Variants in NSD1 observed in about 807,000 individuals in gnomAD.
The protein encoded by NSD1 is histone-lysine N-methyltransferase, H3 lysine-36 specific.
Under a neutral mutation model 242.7 loss-of-function variants are expected in NSD1, and 26 were observed. The ratio of observed to expected loss-of-function variants is 0.11; its 90% CI spans 0.08 to 0.15. The LOEUF is 0.15. Ranked by LOEUF, NSD1 falls within the 10% of genes least tolerant of loss-of-function variation. The pLI, the probability that NSD1 is intolerant of heterozygous loss-of-function variation, is 1.00. For synonymous variants in NSD1, 1,106 were observed against 1,178.1 expected, an observed-to-expected ratio of 0.94 and a Z score of 1.25; for missense variants, 2,495 against 3,272.8, an observed-to-expected ratio of 0.76 and a Z score of 5.80.
chr5:177,259,762 C>G (rs1756835777), intron 13 of NSD1, among the ~76,000 whole-genome samples: 1 of 152,176 alleles, frequency 6.6e-6, no homozygotes, highest in Non-Finnish European at 1.5e-5. Flanking sequence ...CTTGTTGAAG[C>G]AGGCTCACTG....
At chr5:177,257,228 C>CAT in intron 13 of NSD1, 77 bp downstream of exon 13, 1 of 738,908 alleles carries the variant, frequency 1.4e-6, no homozygotes, top group Non-Finnish European at 2.1e-6. Flanking sequence ...TTTTTTCTTT[C>CAT]TTTTTTTTTT....
chr5:177,164,149 CTT>C (rs56076836), intron 2 of NSD1, among the ~76,000 whole-genome samples: 17 of 138,388 alleles, frequency 1.2e-4, no homozygotes, highest in African/African-American at 3.8e-4. Context: ...AAAATGTAAC[CTT>C]TTTTTTTTTT....
At chr5:177,219,097 A>C (rs536189771) in intron 5 of NSD1, among the ~76,000 whole-genome samples, 27 of 151,782 alleles carry the variant, frequency 1.8e-4, no homozygotes, top group African/African-American at 6.0e-4. Context: ...GTGTAAATTT[A>C]GGTTGTTGAG....
Position 177,135,098 on chromosome 5 carries a change from C to T in NSD1, c.-6C>T. ...CTTTTGGATTCCAGGTTGATGCCGG[C>T]CCAGGATGGATCAGACCTGTGAACT... On this transcript the variant is annotated 5_prime_UTR_variant, in exon 2 of 23. Transcript: ENST00000439151. 10 of 1,614,082 alleles carry T rather than the reference C, an allele frequency of 6.2e-6. No homozygotes were observed. Among genetic ancestry groups the T allele is most frequent in the Non-Finnish European group, 8.5e-6 (10 of 1,179,956 alleles).
At chr5:177,290,831 T>A (rs549571930) in intron 21 of NSD1, among the ~76,000 whole-genome samples, 1 of 152,364 alleles carries the variant, frequency 6.6e-6, no homozygotes, top group African/African-American at 2.4e-5. Context: ...TGTTGTTCCT[T>A]AAGATGTTGA....
intron 2 of NSD1, among the ~76,000 whole-genome samples, chr5:177,177,537 CA>C (rs1427123866): frequency 6.6e-6 from 1 of 151,778 alleles, no homozygotes; most frequent in Admixed American, 6.6e-5. Context: ...CAAAACAAAA[CA>C]AAAAAACAGC....
intron 19 of NSD1, among the ~76,000 whole-genome samples, chr5:177,282,801 A>G (rs1175787148): frequency 2.6e-5 from 4 of 152,224 alleles, no homozygotes; most frequent in African/African-American, 9.6e-5. Flanking sequence ...TTTTTGAACA[A>G]TTCAATGAAA....
intron 17 of NSD1, among the ~76,000 whole-genome samples, chr5:177,274,365 TAAAG>T (rs1323093520): frequency 2.0e-5 from 3 of 152,196 alleles, no homozygotes; most frequent in African/African-American, 4.8e-5. Context: ...GACATAAAAA[TAAAG>T]AGACAGTGGA....
Position 177,191,803 on chromosome 5 carries a change from T to C in NSD1, c.928-81T>C, listed in dbSNP as rs1045449198. On this transcript the variant is annotated intron_variant, in intron 2 of 22. Coordinates refer to ENST00000439151, the MANE Select transcript of NSD1 (RefSeq NM_022455.5). The stretch of plus-strand genomic sequence containing the variant: ...TTCTCAATTTTTCATACATTGCTTT[T>C]TCAGAAGGCTAATAGGAATGACAAT... The C allele has an allele frequency of 1.7e-5, 25 of 1,481,810 alleles. No individual in the cohort carries two copies. In the African/African-American group the frequency reaches 3.0e-4, roughly 18 times the overall value. 91.8% of individuals were successfully genotyped at this position (1,481,810 alleles called of 1,614,324 possible).
intron 21 of NSD1, among the ~76,000 whole-genome samples, chr5:177,290,013 G>GA (rs1350191056): frequency 4.0e-5 from 6 of 151,496 alleles, no homozygotes; most frequent in African/African-American, 7.3e-5. Context: ...ATTTTTAGTA[G>GA]AAACAGGGTT....
rs369492574 is a variant in NSD1, at chr5:177,135,372, C to G, written c.269C>G (p.Ser90Cys). Reference sequence around the variant, plus strand: ...ATCAATGTAGAGTATTTAAATGGGTCTGCTGATGGATCAGAATCCTTTCAA... The same window carrying G: ...ATCAATGTAGAGTATTTAAATGGGTGTGCTGATGGATCAGAATCCTTTCAA... ...SMINVEYLNG[S>C]ADGSESFQDP... The change falls in exon 2 of 23, where the codon TCT becomes TGT. Residue 90 changes from serine (S) to cysteine (C), a missense_variant. By Grantham distance (112) the Ser-to-Cys change is moderately radical. Around this residue, in one of 19 missense-constraint regions of NSD1, gnomAD observed 376 missense variants for 367.4 expected, o/e 1.02. Coordinates refer to ENST00000439151, the MANE Select transcript of NSD1 (RefSeq NM_022455.5). 1 of 1,612,732 alleles carries G rather than the reference C, an allele frequency of 6.2e-7. No homozygotes were observed. The highest frequency in any genetic ancestry group is 1.3e-5 in the African/African-American group (1 of 74,870).
intron 5 of NSD1, among the ~76,000 whole-genome samples, chr5:177,220,563 C>CTTTTTT (rs869220346): frequency 1.4e-4 from 12 of 84,356 alleles, no homozygotes; most frequent in Non-Finnish European, 1.6e-4. Flanking sequence ...ATAGTAATTG[C>CTTTTTT]TTTTTTTTTT....
In NSD1 at chr5:177,231,590, T is replaced by G. The variant is rs894162126; in HGVS notation, c.3797-4231T>G. ...CTACAGGCATACGCCACTACACAATTTTTTATTTTTAGTAGAGACGGGGTT... is the reference window on the plus strand; with the variant it reads ...CTACAGGCATACGCCACTACACAATGTTTTATTTTTAGTAGAGACGGGGTT... On this transcript the variant is annotated intron_variant, in intron 5 of 22. Transcript: ENST00000439151. Among the ~76,000 whole-genome samples the G allele has an allele frequency of 7.2e-5, 11 of 152,062 alleles. No homozygotes were observed. In the East Asian group the frequency reaches 1.3e-3, roughly 19 times the overall value.
chr5:177,238,491 G>A lies in NSD1; in HGVS notation c.4176G>A (p.Leu1392=), dbSNP rs200500722. The change falls in exon 7 of 23, where the codon TTG becomes TTA. Residue 1392 remains leucine, a synonymous_variant. Coordinates refer to ENST00000439151, the MANE Select transcript of NSD1 (RefSeq NM_022455.5). This position sits in a 1 kb window ranked among gnomAD's most constrained non-coding sequence, Gnocchi z 4.6. ...SPRPALESEE[L]LVKTPGNYES... ...GGCCTGCCCTTGAGTCTGAGGAATT[G>A]CTAGTTAAAACGCCAGGTAAGGTGG... The A allele has an allele frequency of 1.2e-6, 2 of 1,613,608 alleles. No individual in the cohort carries two copies. Among genetic ancestry groups the A allele is most frequent in the East Asian group, 4.5e-5 (2 of 44,894 alleles).
At chr5:177,163,221 C>G (rs1296121508) in intron 2 of NSD1, among the ~76,000 whole-genome samples, 2 of 150,138 alleles carry the variant, frequency 1.3e-5, no homozygotes, top group Non-Finnish European at 2.9e-5. Context: ...CGGCTCACTG[C>G]AACGTCCACC....
intron 2 of NSD1, among the ~76,000 whole-genome samples, chr5:177,166,335 C>G (rs1299169665): frequency 6.6e-6 from 1 of 151,924 alleles, no homozygotes; most frequent in Non-Finnish European, 1.5e-5. Flanking sequence ...ATCTCTTGAG[C>G]TCAGGAGTTC....
In NSD1 at chr5:177,135,803, G is replaced by C. The variant is rs771968592; in HGVS notation, c.700G>C (p.Glu234Gln). 1 of 1,609,148 alleles carries C rather than the reference G, an allele frequency of 6.2e-7. No individual in the cohort carries two copies. The highest frequency in any genetic ancestry group is 1.1e-5 in the South Asian group (1 of 90,762). The change falls in exon 2 of 23, where the codon GAA (glutamate) becomes CAA (glutamine). Residue 234 changes from glutamate to glutamine, a missense_variant. Transcript: ENST00000439151. The stretch of plus-strand genomic sequence containing the variant: ...ATTCTTGCCATTAGCTCCTCAGACT[G>C]AAACACAGAAAAATAAGCAAAGAAA... ...SPFLPLAPQT[E>Q]TQKNKQRNEV...
intron 10 of NSD1, 37 bp from the exon 11 acceptor site, chr5:177,248,144 A>G (rs1465406093): frequency 3.7e-6 from 6 of 1,612,306 alleles, no homozygotes; most frequent in Admixed American, 1.7e-5. Flanking sequence ...AGAGACATCA[A>G]TAATACAGAT....
intron 5 of NSD1, among the ~76,000 whole-genome samples, chr5:177,234,562 C>T (rs986288920): frequency 6.6e-6 from 1 of 152,018 alleles, no homozygotes; most frequent in Non-Finnish European, 1.5e-5. Flanking sequence ...ACTAAAAATA[C>T]AAAATTAGCT....
Sources: gnomAD v4.1 joint callset for allele counts (sites outside exome capture counted in the v4.1 genomes callset) on GRCh38, gnomAD v4.1.1 for gene constraint, gnomAD v4.1.1 regional missense constraint, Gnocchi (gnomAD v3.1) non-coding constraint, MANE v1.5 for transcripts, NCBI Gene and HGNC (gene_info 2026-07-23, HGNC 2026-07-21) for gene names.